Variants in SEC23B observed in about 807,000 individuals in gnomAD.
SEC23B encodes the protein protein transport protein Sec23B.
In SEC23B, 77 loss-of-function variants were observed where a neutral mutation model predicts 104.3. The ratio of observed to expected loss-of-function variants is 0.74; its 90% CI spans 0.61 to 0.89. The LOEUF is 0.89. Among genes scored for constraint, SEC23B ranks in the 40% least tolerant of loss-of-function variants. The pLI, the probability that SEC23B is intolerant of heterozygous loss-of-function variation, is 0.00. For synonymous variants in SEC23B, 338 were observed against 332.5 expected, an observed-to-expected ratio of 1.02 and a Z score of -0.18; for missense variants, 885 against 949.4, an observed-to-expected ratio of 0.93 and a Z score of 0.89.
chr20:18,528,074 G>T (rs2060149354), intron 9 of SEC23B, among the ~76,000 whole-genome samples: 1 of 152,222 alleles, frequency 6.6e-6, no homozygotes, highest in Admixed American at 6.5e-5. Flanking sequence ...GTATTCACAG[G>T]CCAGAGTGTG....
At chr20:18,554,654 C>T (rs1017264665) in intron 18 of SEC23B, among the ~76,000 whole-genome samples, 5 of 151,868 alleles carry the variant, frequency 3.3e-5, no homozygotes, top group South Asian at 2.1e-4. Flanking sequence ...GGTGAAACCC[C>T]GTCTCTACTA....
At chr20:18,551,005 G>A in intron 16 of SEC23B, 84 bp from the exon 17 acceptor site, 1 of 835,072 alleles carries the variant, frequency 1.2e-6, no homozygotes, top group Non-Finnish European at 2.1e-6. Flanking sequence ...TGGATACCAG[G>A]CATGGGATCA....
chr20:18,558,230 T>C (rs2060459472), intron 19 of SEC23B, among the ~76,000 whole-genome samples: 1 of 152,216 alleles, frequency 6.6e-6, no homozygotes, highest in African/African-American at 2.4e-5. Context: ...CTCTGGCCTT[T>C]ATGGTTTCTT....
At chr20:18,543,826 T>C (rs1203514854) in intron 14 of SEC23B, among the ~76,000 whole-genome samples, 1 of 152,206 alleles carries the variant, frequency 6.6e-6, no homozygotes, top group Non-Finnish European at 1.5e-5. Context: ...ATTCACTTTC[T>C]AGAATTTGAA....
chr20:18,520,306 G>C (rs1307260893), intron 4 of SEC23B, among the ~76,000 whole-genome samples: 1 of 152,194 alleles, frequency 6.6e-6, no homozygotes, highest in East Asian at 1.9e-4. Context: ...GTGATAACAG[G>C]CTTTAATCCA....
At chr20:18,542,770 G>T (rs1180727274) in intron 13 of SEC23B, among the ~76,000 whole-genome samples, 1 of 152,088 alleles carries the variant, frequency 6.6e-6, no homozygotes, top group East Asian at 1.9e-4. Context: ...AGGTAGCTGG[G>T]ACCACAGGCA....
chr20:18,525,847 A>G lies in SEC23B; in HGVS notation c.749A>G (p.Gln250Arg). 6.2e-7 allele frequency: 1 copy of G among 1,614,224 alleles called. No individual in the cohort carries two copies. Among genetic ancestry groups the G allele is most frequent in the Non-Finnish European group, 8.5e-7 (1 of 1,180,028 alleles). Reference sequence around the variant, plus strand: ...CTCACTGATCTTCTTGGGGAGCTACAGAGGGACCCATGGCCAGTAACTCAG... The same window carrying G: ...CTCACTGATCTTCTTGGGGAGCTACGGAGGGACCCATGGCCAGTAACTCAG... Reference protein sequence around the residue: ...MNLTDLLGELQRDPWPVTQGK... With the variant: ...MNLTDLLGELRRDPWPVTQGK... Residue 250 changes from glutamine to arginine, a missense_variant, in exon 7 of 20, where the codon CAG becomes CGG. Physicochemically the swap from Gln to Arg is conservative, Grantham distance 43. Coordinates refer to ENST00000650089, the MANE Select transcript of SEC23B (RefSeq NM_006363.6).
At chr20:18,554,953 ACT>A in intron 18 of SEC23B, among the ~76,000 whole-genome samples, 153 bp from the exon 19 acceptor site, 1 of 18,696 alleles carries the variant, frequency 5.3e-5, no homozygotes, top group Non-Finnish European at 3.4e-4. Flanking sequence ...GAAATAGATT[ACT>A]GTGCAGTAAA....
intron 4 of SEC23B, among the ~76,000 whole-genome samples, chr20:18,519,970 G>A (rs894235168): frequency 1.3e-5 from 2 of 152,198 alleles, no homozygotes; most frequent in Admixed American, 1.3e-4. Flanking sequence ...GCGAAGCCTT[G>A]CGGCAGTAGA....
chr20:18,524,315 T>A (rs2060113687), intron 4 of SEC23B, 118 bp from the exon 5 acceptor site: 1 of 788,368 alleles, frequency 1.3e-6, no homozygotes, highest in East Asian at 2.4e-5. Context: ...TAGATGTCCT[T>A]ATCTCCTAAA....
chr20:18,541,549 T>A (rs1320487426), intron 12 of SEC23B, among the ~76,000 whole-genome samples: 1 of 152,226 alleles, frequency 6.6e-6, no homozygotes, highest in Non-Finnish European at 1.5e-5. Context: ...CTGGCCTCAT[T>A]TCAATATTGT....
At chr20:18,554,474 T>C in intron 18 of SEC23B, 84 bp downstream of exon 18, 1 of 1,494,904 alleles carries the variant, frequency 6.7e-7, no homozygotes, top group Non-Finnish European at 9.3e-7. Context: ...GGATGGTTAA[T>C]ATTTTATGTG....
intron 12 of SEC23B, among the ~76,000 whole-genome samples, chr20:18,540,889 A>T (rs1349143688): frequency 6.6e-6 from 1 of 152,158 alleles, no homozygotes; most frequent in African/African-American, 2.4e-5. Flanking sequence ...GCTGCATTAG[A>T]TCCTAACAAG....
At chr20:18,542,565 A>G (rs1257785543) in intron 13 of SEC23B, among the ~76,000 whole-genome samples, 163 bp downstream of exon 13, 1 of 152,240 alleles carries the variant, frequency 6.6e-6, no homozygotes, top group Non-Finnish European at 1.5e-5. Flanking sequence ...TGGCTAACCC[A>G]GTTGGGCCTA....
chr20:18,549,939 A>G (rs1204928757), intron 16 of SEC23B, among the ~76,000 whole-genome samples: 1 of 151,812 alleles, frequency 6.6e-6, no homozygotes, highest in Non-Finnish European at 1.5e-5. Context: ...GCGCCACTGC[A>G]TTCCAGCCTG....
chr20:18,542,922 AG>A, intron 13 of SEC23B, 96 bp from the exon 14 acceptor site: 2 of 1,472,698 alleles, frequency 1.4e-6, no homozygotes. Context: ...TTCAGGAATG[AG>A]CCACTGCACC....
At chr20:18,521,668 G>C (rs1430793622) in intron 4 of SEC23B, among the ~76,000 whole-genome samples, 1 of 152,126 alleles carries the variant, frequency 6.6e-6, no homozygotes, top group Non-Finnish European at 1.5e-5. Context: ...AAAGAATTGG[G>C]ACCTAGCTTG....
intron 12 of SEC23B, among the ~76,000 whole-genome samples, chr20:18,536,066 A>G (rs748930984): frequency 6.6e-6 from 1 of 152,232 alleles, no homozygotes; most frequent in Non-Finnish European, 1.5e-5. Flanking sequence ...AATTCCAAAC[A>G]TACAGAAAAA....
chr20:18,519,405 G>A (rs973349847), intron 4 of SEC23B, among the ~76,000 whole-genome samples: 13 of 152,226 alleles, frequency 8.5e-5, no homozygotes, highest in Non-Finnish European at 1.9e-4. Flanking sequence ...TATGAGAACT[G>A]TAGAGAGTGA....
Sources: gnomAD v4.1 joint callset for allele counts (sites outside exome capture counted in the v4.1 genomes callset) on GRCh38, gnomAD v4.1.1 for gene constraint, MANE v1.5 for transcripts, NCBI Gene and HGNC (gene_info 2026-07-23, HGNC 2026-07-21) for gene names.